The following ACMSD variants were observed in gnomAD, a reference collection of about 807,000 sequenced individuals.
The protein encoded by ACMSD is 2-amino-3-carboxymuconate-6-semialdehyde decarboxylase.
Under a neutral mutation model 45.9 loss-of-function variants are expected in ACMSD, and 37 were observed. The ratio of observed to expected loss-of-function variants is 0.81; its 90% CI spans 0.62 to 1.06. The LOEUF is 1.06. Ranked by LOEUF, ACMSD falls within the 50% of genes least tolerant of loss-of-function variation. The probability of loss-of-function intolerance (pLI) is 0.00; values close to 1 mark genes in which losing one functional copy is unlikely to be tolerated. For missense variants in ACMSD, 434 were observed against 420.9 expected, an observed-to-expected ratio of 1.03 and a Z score of -0.27; for synonymous variants, 138 against 148.8, an observed-to-expected ratio of 0.93 and a Z score of 0.53.
chr2:134,892,608 T>C (rs1197357903), intron 8 of ACMSD, among the ~76,000 whole-genome samples: 1 of 152,198 alleles, frequency 6.6e-6, no homozygotes, highest in Non-Finnish European at 1.5e-5. Flanking sequence ...CTGCCTGTGT[T>C]GCTCATTAAC....
chr2:134,843,562 C>A (rs1182965140), intron 1 of ACMSD, among the ~76,000 whole-genome samples: 1 of 152,166 alleles, frequency 6.6e-6, no homozygotes, highest in Non-Finnish European at 1.5e-5. Flanking sequence ...AGGAGTCCAC[C>A]AAGACCTGAC....
chr2:134,877,544 G>A (rs1468742796), intron 8 of ACMSD: 2 of 152,664 alleles, frequency 1.3e-5, no homozygotes, highest in Non-Finnish European at 2.9e-5. Context: ...TCAGTGCTTG[G>A]TTTTGGTGGG....
intron 8 of ACMSD, among the ~76,000 whole-genome samples, chr2:134,875,298 G>C (rs1037358879): frequency 2.0e-5 from 3 of 152,112 alleles, no homozygotes; most frequent in Non-Finnish European, 2.9e-5. Flanking sequence ...GACCCAAAAA[G>C]TGTTTTTAAA....
At chr2:134,897,007 A>G (rs1489397924) in intron 8 of ACMSD, among the ~76,000 whole-genome samples, 1 of 151,446 alleles carries the variant, frequency 6.6e-6, no homozygotes, top group Non-Finnish European at 1.5e-5. Flanking sequence ...GGTGACAAAA[A>G]TCTGTGGTTA....
chr2:134,862,936 G>A, intron 4 of ACMSD: 3 of 983,184 alleles, frequency 3.1e-6, no homozygotes, highest in Non-Finnish European at 3.6e-6. Context: ...AGGACAGAGA[G>A]GAGGACAGGC....
chr2:134,885,294 T>TATATTATATATATTATATATA (rs1689291756), intron 8 of ACMSD, among the ~76,000 whole-genome samples: 1 of 91,054 alleles, frequency 1.1e-5, no homozygotes, highest in Admixed American at 1.8e-4. Flanking sequence ...ATTATATTTA[T>TATATTATATATATTATATATA]ATATATATTT....
intron 1 of ACMSD, among the ~76,000 whole-genome samples, chr2:134,842,997 A>G (rs1008296870): frequency 1.3e-5 from 2 of 152,238 alleles, no homozygotes; most frequent in African/African-American, 4.8e-5. Context: ...GAAGCGGGAG[A>G]AAGCAGGCAG....
rs75424531 is a variant in ACMSD, at chr2:134,850,916, A to G, written c.102+5639A>G. Among the ~76,000 whole-genome samples the G allele has an allele frequency of 2.5e-3, 383 of 152,284 alleles. 1 individual carries two copies. Among genetic ancestry groups the G allele is most frequent in the African/African-American group, 8.7e-3 (362 of 41,540 alleles). Reference sequence around the variant, plus strand: ...AGTTAGTGAGCATAGTAACCACTGGAAACAATCAGTTTCTCAGGCCTTGTC... The same window carrying G: ...AGTTAGTGAGCATAGTAACCACTGGGAACAATCAGTTTCTCAGGCCTTGTC... On this transcript the variant is annotated intron_variant, in intron 2 of 9. Coordinates refer to ENST00000356140, the MANE Select transcript of ACMSD (RefSeq NM_138326.3).
intron 8 of ACMSD, among the ~76,000 whole-genome samples, chr2:134,896,692 A>G (rs1399986153): frequency 6.6e-6 from 1 of 152,214 alleles, no homozygotes; most frequent in Admixed American, 6.5e-5. Context: ...ACCCTCATAC[A>G]TGCTGGTGGG....
rs747139683 is a variant in ACMSD at position 134,898,362 on chromosome 2, G to A, written c.871G>A (p.Asp291Asn). Residue 291 changes from aspartate (D) to asparagine (N), a missense_variant, in exon 9 of 10, where the codon GAT becomes AAT. Asp to Asn is a conservative substitution (Grantham distance 23, BLOSUM62 1). Transcript: ENST00000356140. ...IGKDKVILGT[D>N]YPFPLGELEP... Reference sequence around the variant, plus strand: ...TTAGGATAAAGTCATTTTGGGAACCGATTACCCCTTTCCACTAGGTGAGCT... The same window carrying A: ...TTAGGATAAAGTCATTTTGGGAACCAATTACCCCTTTCCACTAGGTGAGCT... The A allele has an allele frequency of 3.8e-6, 6 of 1,594,578 alleles. No homozygotes were observed. Among genetic ancestry groups the A allele is most frequent in the Non-Finnish European group, 3.4e-6 (4 of 1,172,196 alleles).
chr2:134,839,132 G>T (rs1158825811), intron 1 of ACMSD, among the ~76,000 whole-genome samples: 1 of 152,088 alleles, frequency 6.6e-6, no homozygotes, highest in Non-Finnish European at 1.5e-5. Flanking sequence ...TCGGTTTCAA[G>T]GACTTCTAAA....
chr2:134,873,297 C>T (rs1394648524), intron 8 of ACMSD: 1 of 152,290 alleles, frequency 6.6e-6, no homozygotes, highest in African/African-American at 2.4e-5. Context: ...AGTCTCCTCG[C>T]CAATCTCTCT....
intron 2 of ACMSD, among the ~76,000 whole-genome samples, chr2:134,847,432 A>G (rs868801046): frequency 6.8e-6 from 1 of 148,000 alleles, no homozygotes; most frequent in Non-Finnish European, 1.5e-5. Flanking sequence ...AGATAGATAG[A>G]TAGATAGATA....
chr2:134,864,710 G>C (rs1017977844), intron 5 of ACMSD, among the ~76,000 whole-genome samples: 23 of 152,248 alleles, frequency 1.5e-4, no homozygotes, highest in African/African-American at 5.5e-4. Context: ...GATGAAACTA[G>C]GTGGTGGGTA....
intron 8 of ACMSD, among the ~76,000 whole-genome samples, chr2:134,885,303 T>TATATATG (rs1559064787): frequency 9.7e-6 from 1 of 102,610 alleles, no homozygotes; most frequent in East Asian, 2.4e-4. Flanking sequence ...ATATATATAT[T>TATATATG]TAAATATATA....
At position 134,876,740 on chromosome 2, in the gene ACMSD, T is replaced by TTA. The variant is rs548711300; in HGVS notation, c.849+4103_849+4104dup. Among the ~76,000 whole-genome samples the TTA allele has an allele frequency of 6.6e-4, 101 of 152,322 alleles. 1 individual carries two copies. The East Asian group carries it at 0.018, about 28-fold the overall frequency. On this transcript the variant is annotated intron_variant, in intron 8 of 9. Coordinates refer to ENST00000356140, the MANE Select transcript of ACMSD (RefSeq NM_138326.3). ...ATACATAAGCCAGTGACATCGTCAT[T>TTA]TATATCATTACCAAGTCTTACATAC...
intron 4 of ACMSD, among the ~76,000 whole-genome samples, chr2:134,862,667 C>T (rs1431919539): frequency 6.6e-6 from 1 of 152,320 alleles, no homozygotes; most frequent in South Asian, 2.1e-4. Flanking sequence ...TAGTGAGTGA[C>T]TCAGTCTTTG....
At chr2:134,878,492 A>C (rs1688869281) in intron 8 of ACMSD, among the ~76,000 whole-genome samples, 1 of 151,976 alleles carries the variant, frequency 6.6e-6, no homozygotes, top group South Asian at 2.1e-4. Context: ...ACAGCTGGCT[A>C]ATTTTTGTAT....
chr2:134,893,057 T>C (rs1161441243), intron 8 of ACMSD, among the ~76,000 whole-genome samples: 1 of 152,188 alleles, frequency 6.6e-6, no homozygotes, highest in Admixed American at 6.5e-5. Context: ...TTTGATTGAA[T>C]GCATTTGATT....
Sources: allele counts gnomAD v4.1 joint callset (sites outside exome capture counted in the v4.1 genomes callset), GRCh38; gene constraint gnomAD v4.1.1; transcripts MANE v1.5; gene names NCBI Gene and HGNC (gene_info 2026-07-23, HGNC 2026-07-21).